The following KCNQ1 variants were observed in gnomAD, a reference collection of about 807,000 sequenced individuals.
KCNQ1 encodes potassium voltage-gated channel subfamily Q member 1, also known as potassium voltage-gated channel subfamily KQT member 1.
In KCNQ1, 49 loss-of-function variants were observed where a neutral mutation model predicts 72.4. The ratio of observed to expected loss-of-function variants is 0.68; its 90% CI spans 0.54 to 0.86. KCNQ1 has a LOEUF of 0.86. KCNQ1 is among the 40% of genes least tolerant of loss of function. The pLI, the probability that KCNQ1 is intolerant of heterozygous loss-of-function variation, is 0.00. For missense variants in KCNQ1, 790 were observed against 945.1 expected, an observed-to-expected ratio of 0.84 and a Z score of 2.15; for synonymous variants, 450 against 412.6, an observed-to-expected ratio of 1.09 and a Z score of -1.10.
intron 10 of KCNQ1, chr11:2,655,287 G>A (rs1849825828): frequency 7.5e-6 from 3 of 398,576 alleles, no homozygotes; most frequent in Non-Finnish European, 1.3e-5. Flanking sequence ...GTTTTGTTCT[G>A]CCCTGAAAAT....
intron 11 of KCNQ1, chr11:2,672,951 C>T: frequency 2.5e-6 from 1 of 398,774 alleles, no homozygotes; most frequent in Admixed American, 4.4e-5. Context: ...GGCAAGGAAT[C>T]ATGAACCCCA....
At chr11:2,472,246 T>C (rs925934011) in intron 1 of KCNQ1, among the ~76,000 whole-genome samples, 5 of 151,648 alleles carry the variant, frequency 3.3e-5, no homozygotes, top group African/African-American at 1.2e-4. Flanking sequence ...TGGGTGTGTG[T>C]GCACCCATGT....
At chr11:2,519,597 G>A (rs61871490) in intron 1 of KCNQ1, among the ~76,000 whole-genome samples, 3,933 of 151,188 alleles carry the variant, frequency 0.026, 79 homozygotes, top group Middle Eastern at 0.058. Flanking sequence ...TCCAGCCTGG[G>A]TGACAGAACA....
rs1401190182 is a variant in KCNQ1, at chr11:2,565,458, T to A, written c.478-5170T>A. On this transcript the variant is annotated intron_variant, in intron 2 of 15. Transcript: ENST00000155840. This position sits in a 1 kb window ranked among gnomAD's most constrained non-coding sequence, Gnocchi z 5.6. ...CTGTCCAAGCCCTTTGCCTATTTTT[T>A]AAAAATTGAGTTGTTAGGAACTTTG... Among the ~76,000 whole-genome samples, 4 of 152,242 alleles carry A rather than the reference T, an allele frequency of 2.6e-5. No homozygotes were observed. Among genetic ancestry groups the A allele is most frequent in the African/African-American group, 7.2e-5 (3 of 41,460 alleles).
intron 10 of KCNQ1, chr11:2,628,189 T>A (rs1468228139): frequency 2.5e-6 from 1 of 398,516 alleles, no homozygotes; most frequent in African/African-American, 2.1e-5. Flanking sequence ...AGTTCCAATT[T>A]TAATTTTTTA....
chr11:2,585,915 C>T (rs1371418330), intron 8 of KCNQ1, among the ~76,000 whole-genome samples: 1 of 152,206 alleles, frequency 6.6e-6, no homozygotes, highest in Non-Finnish European at 1.5e-5. Flanking sequence ...TGGGCTCTGG[C>T]TCTGTCACTC....
rs79418750 is a variant in KCNQ1 at position 2,711,497 on chromosome 11, C to G, written c.1514+49416C>G. On this transcript the variant is annotated intron_variant, in intron 11 of 15. Coordinates refer to ENST00000155840, the MANE Select transcript of KCNQ1 (RefSeq NM_000218.3). The surrounding 1 kb of genome is among the most constrained non-coding windows in gnomAD (Gnocchi z 5.4). ...TGAGCCACCATCTTATCCAAGTGCT[C>G]TGTGGCAGCTTGTGGAATCTTCTCA... is the stretch of plus-strand genomic sequence containing the variant. Among the ~76,000 whole-genome samples the G allele has an allele frequency of 0.011, 1,727 of 152,270 alleles. 56 individuals carry two copies. Among genetic ancestry groups the G allele is most frequent in the East Asian group, 0.09 (463 of 5,166 alleles).
Position 2,715,476 on chromosome 11 carries a change from G to A in KCNQ1, c.1515-53368G>A, listed in dbSNP as rs905544283. 2.0e-5 allele frequency among the ~76,000 whole-genome samples: 3 copies of A among 152,100 alleles called. No homozygotes were observed. Among genetic ancestry groups the A allele is most frequent in the African/African-American group, 4.8e-5 (2 of 41,406 alleles). On this transcript the variant is annotated intron_variant, in intron 11 of 15. Coordinates refer to ENST00000155840, the MANE Select transcript of KCNQ1 (RefSeq NM_000218.3). This position sits in a 1 kb window ranked among gnomAD's most constrained non-coding sequence, Gnocchi z 4.9. ...GACCCCCTGCAGCCTGGCTCAGGCA[G>A]GGGCATGTGTGAAGGCCCAGGGGGA...
At chr11:2,523,751 G>GGTT (rs1554888056) in intron 1 of KCNQ1, among the ~76,000 whole-genome samples, 2 of 115,150 alleles carry the variant, frequency 1.7e-5, no homozygotes, top group African/African-American at 3.4e-5. Flanking sequence ...GAAGTTTACA[G>GGTT]TTTTTTTTTT....
chr11:2,776,830 A>C (rs1349442857), intron 13 of KCNQ1, among the ~76,000 whole-genome samples, 156 bp from the exon 14 acceptor site: 2 of 151,976 alleles, frequency 1.3e-5, no homozygotes, highest in African/African-American at 4.8e-5. Flanking sequence ...GGGGGTTGGG[A>C]GTGACCTGGC....
chr11:2,677,821 T>C lies in KCNQ1; in HGVS notation c.1514+15740T>C, dbSNP rs11023738. ...ATTAAAATGTTCATTTATGTTGTGATAGATACTGCCAAATAAGGGCTGTAC... is the reference window on the plus strand; with the variant it reads ...ATTAAAATGTTCATTTATGTTGTGACAGATACTGCCAAATAAGGGCTGTAC... On this transcript the variant is annotated intron_variant, in intron 11 of 15. Transcript: ENST00000155840. This position sits in a 1 kb window ranked among gnomAD's most constrained non-coding sequence, Gnocchi z 4.5. 24,254 of 398,502 alleles carry C rather than the reference T, an allele frequency of 0.061. 839 individuals are homozygous for C. The highest frequency in any genetic ancestry group is 0.086 in the Admixed American group (1,961 of 22,726). The allele number at this position is 398,502 out of a possible 1,614,324, so 24.7% of individuals were successfully genotyped here. A position where few individuals can be genotyped will look rare whatever the true frequency, so the allele number is the denominator to read the frequency against.
At chr11:2,694,665 G>T (rs1364236016) in intron 11 of KCNQ1, 1 of 398,478 alleles carries the variant, frequency 2.5e-6, no homozygotes, top group African/African-American at 2.1e-5. Flanking sequence ...ACCATGTGCG[G>T]ACCCTATACG....
chr11:2,656,131 C>T (rs231344), intron 10 of KCNQ1: 37,256 of 398,576 alleles, frequency 0.093, 1,972 homozygotes, highest in Middle Eastern at 0.15. Flanking sequence ...TGTGCTCCAT[C>T]GTTCCTTCTA....
In KCNQ1 at chr11:2,509,567, G is replaced by A. The variant is rs1847160697; in HGVS notation, c.387-18361G>A. Among the ~76,000 whole-genome samples the A allele has an allele frequency of 6.6e-6, 1 of 152,204 alleles. No homozygotes were observed. Among genetic ancestry groups the A allele is most frequent in the Non-Finnish European group, 1.5e-5 (1 of 68,038 alleles). On this transcript the variant is annotated intron_variant, in intron 1 of 15. Coordinates refer to ENST00000155840, the MANE Select transcript of KCNQ1 (RefSeq NM_000218.3). This position sits in a 1 kb window ranked among gnomAD's most constrained non-coding sequence, Gnocchi z 6.3. ...TATTCTGGGAAGCAGGCAGGAAGTG[G>A]CAGCTCCAGGTCCGGGTGTGAGGGC...
chr11:2,524,291 G>GGGGCCCA (rs1298094946), intron 1 of KCNQ1, among the ~76,000 whole-genome samples: 2 of 152,172 alleles, frequency 1.3e-5, no homozygotes, highest in African/African-American at 2.4e-5. Context: ...GAGGGTCAAA[G>GGGGCCCA]GGGCCCAGGG....
intron 10 of KCNQ1, chr11:2,639,858 A>C (rs1589998115): frequency 1.3e-5 from 2 of 152,614 alleles, no homozygotes; most frequent in Admixed American, 1.3e-4. Flanking sequence ...GGTGGACTCC[A>C]CCCAGTTCGA....
chr11:2,606,591 C>G (rs1276927294), intron 10 of KCNQ1, among the ~76,000 whole-genome samples: 6 of 152,184 alleles, frequency 3.9e-5, no homozygotes, highest in Non-Finnish European at 8.8e-5. Context: ...GGAGCAGGTG[C>G]TGGTGCCATA....
At position 2,457,177 on chromosome 11, in the gene KCNQ1, G is replaced by C. The variant is rs542199553; in HGVS notation, c.386+11693G>C. Among the ~76,000 whole-genome samples, 1 of 152,094 alleles carries C rather than the reference G, an allele frequency of 6.6e-6. No individual in the cohort carries two copies. Among genetic ancestry groups the C allele is most frequent in the Non-Finnish European group, 1.5e-5 (1 of 68,028 alleles). On this transcript the variant is annotated intron_variant, in intron 1 of 15. Transcript: ENST00000155840. The surrounding 1 kb of genome is among the most constrained non-coding windows in gnomAD (Gnocchi z 5.0). ...TGCTGGAGAGGCAGTAGAGAAAGGG[G>C]AACACTTACACCCTGTTGACGGGAG...
rs768224344 is a variant in KCNQ1 at position 2,588,700 on chromosome 11, T to G, written c.1252-13T>G. ...GTCCAGGAACCGCTAATCTGTTGTC[T>G]TGTTTTTTTTAGGTAAAGAAAAAAA... On this transcript the variant is annotated splice_polypyrimidine_tract_variant and intron_variant, in intron 9 of 15. Transcript: ENST00000155840. The surrounding 1 kb of genome is among the most constrained non-coding windows in gnomAD (Gnocchi z 5.6). The G allele has an allele frequency of 1.2e-6, 2 of 1,613,232 alleles. No homozygotes were observed. The highest frequency in any genetic ancestry group is 1.7e-6 in the Non-Finnish European group (2 of 1,179,968).
Sources: gnomAD v4.1 joint callset for allele counts (sites outside exome capture counted in the v4.1 genomes callset) on GRCh38, gnomAD v4.1.1 for gene constraint, Gnocchi (gnomAD v3.1) non-coding constraint, MANE v1.5 for transcripts, NCBI Gene and HGNC (gene_info 2026-07-23, HGNC 2026-07-21) for gene names.